The following TOR4A variants were observed in gnomAD, a reference collection of about 807,000 sequenced individuals.
TOR4A encodes the protein torsin-4A.
Under a neutral mutation model 11.5 loss-of-function variants are expected in TOR4A, and 12 were observed. The observed-to-expected ratio is 1.04, with a 90% confidence interval of 0.67 to 1.69. The LOEUF (loss-of-function observed/expected upper bound fraction) is 1.69. Ranked by LOEUF, TOR4A falls within the 40% of genes most tolerant of loss-of-function variation. The probability of loss-of-function intolerance (pLI) is 0.00; values close to 1 mark genes in which losing one functional copy is unlikely to be tolerated. For synonymous variants in TOR4A, 362 were observed against 307.4 expected (o/e 1.18, Z -1.86); for missense variants, 640 against 643.2 (o/e 0.99, Z 0.05).
Position 137,279,566 on chromosome 9 carries a change from A to G in TOR4A, c.877A>G (p.Asn293Asp). ...GCCGCAGCGCTCCCACCACTTCCAC[A>G]ACGCCATCTACGTGCTCCTCAGTGG... ...LQPQRSHHFHNAIYVLLSGAG... is the reference protein window; with the variant it reads ...LQPQRSHHFHDAIYVLLSGAG... The change falls in exon 2 of 2, where the codon AAC becomes GAC. Residue 293 changes from asparagine (N) to aspartate (D), a missense_variant. Asn to Asp is a conservative substitution (Grantham distance 23, BLOSUM62 1). Coordinates refer to ENST00000357503, the MANE Select transcript of TOR4A (RefSeq NM_017723.3). The G allele has an allele frequency of 2.5e-6, 4 of 1,582,450 alleles. No homozygotes were observed. The highest frequency in any genetic ancestry group is 3.4e-6 in the Non-Finnish European group (4 of 1,167,938).
intron 1 of TOR4A, among the ~76,000 whole-genome samples, chr9:137,278,355 C>G (rs921209814): frequency 1.3e-5 from 2 of 152,190 alleles, no homozygotes; most frequent in Non-Finnish European, 2.9e-5. Context: ...TCCAGGAAGC[C>G]GGGGCGGCCA....
In TOR4A at chr9:137,278,659, C is replaced by A; in HGVS notation, c.-31C>A. On this transcript the variant is annotated 5_prime_UTR_variant, in exon 2 of 2. Coordinates refer to ENST00000357503, the MANE Select transcript of TOR4A (RefSeq NM_017723.3). Reference sequence around the variant, plus strand: ...CCCCGTCTTCCCGTTGCAGGGAGGGCGACCTGTATGCGGAGCGCCGTTCCT... The same window carrying A: ...CCCCGTCTTCCCGTTGCAGGGAGGGAGACCTGTATGCGGAGCGCCGTTCCT... The A allele has an allele frequency of 7.6e-7, 1 of 1,307,380 alleles. No individual in the cohort carries two copies. The highest frequency in any genetic ancestry group is 9.7e-7 in the Non-Finnish European group (1 of 1,028,534). 81.0% of individuals were successfully genotyped at this position (1,307,380 alleles called of 1,614,324 possible). A position where few individuals can be genotyped will look rare whatever the true frequency, so the allele number is the denominator to read the frequency against.
chr9:137,279,862 G>A lies in TOR4A; in HGVS notation c.1173G>A (p.Ala391=), dbSNP rs369053936. The stretch of plus-strand genomic sequence containing the variant: ...GCTTCTTTCCTGACCAGGCCCGCGC[G>A]GAGAACCTGGCCGCGCAGCTCAGCT... ...GEGFFPDQAR[A]ENLAAQLSFY... Residue 391 remains alanine (A), a synonymous_variant, in exon 2 of 2, where the codon GCG becomes GCA. Transcript: ENST00000357503. 3.8e-5 allele frequency: 60 copies of A among 1,587,436 alleles called. No homozygotes were observed. The highest frequency in any genetic ancestry group is 4.9e-5 in the Non-Finnish European group (57 of 1,170,518).
rs1207480310 is a variant in TOR4A, at chr9:137,280,201, C to T, written c.*240C>T. On this transcript the variant is annotated 3_prime_UTR_variant, in exon 2 of 2. Coordinates refer to ENST00000357503, the MANE Select transcript of TOR4A (RefSeq NM_017723.3). ...CAAACTTGCCCATTGCCCTGCTGGG[C>T]GTCCCAGGCATGGTCTGGTGCGTTC... 2 of 592,914 alleles carry T rather than the reference C, an allele frequency of 3.4e-6. No homozygotes were observed. Among genetic ancestry groups the T allele is most frequent in the Non-Finnish European group, 6.1e-6 (2 of 326,840 alleles). The allele number at this position is 592,914 out of a possible 1,614,324, so 36.7% of individuals were successfully genotyped here. A position where few individuals can be genotyped will look rare whatever the true frequency, so the allele number is the denominator to read the frequency against.
Position 137,279,449 on chromosome 9 carries a change from G to A in TOR4A, c.760G>A (p.Ala254Thr). ...GCGCGTGGCCGACGTGGTGGCGCGG[G>A]CCGAAGCGGAGGAGAAGACCCCACT... ...ARRVADVVARAEAEEKTPLLV... is the reference protein window; with the variant it reads ...ARRVADVVARTEAEEKTPLLV... Residue 254 changes from alanine (A) to threonine (T), a missense_variant, in exon 2 of 2, where the codon GCC becomes ACC. Physicochemically the swap from Ala to Thr is moderately conservative, Grantham distance 58 (BLOSUM62 0). Coordinates refer to ENST00000357503, the MANE Select transcript of TOR4A (RefSeq NM_017723.3). 6.5e-7 allele frequency: 1 copy of A among 1,541,358 alleles called. No individual in the cohort carries two copies. The highest frequency in any genetic ancestry group is 1.4e-5 in the African/African-American group (1 of 72,836).
rs1830698921 is a variant in TOR4A, at chr9:137,280,220, T to C, written c.*259T>C. On this transcript the variant is annotated 3_prime_UTR_variant, in exon 2 of 2. Transcript: ENST00000357503. ...GCTGGGCGTCCCAGGCATGGTCTGG[T>C]GCGTTCTCCCTGTGGCCCCAAGAGG... 1 of 574,284 alleles carries C rather than the reference T, an allele frequency of 1.7e-6. No individual in the cohort carries two copies. The highest frequency in any genetic ancestry group is 3.1e-5 in the Admixed American group (1 of 32,102). 35.6% of individuals were successfully genotyped at this position (574,284 alleles called of 1,614,324 possible).
In TOR4A at chr9:137,282,136, C is replaced by G. The variant is rs1213363955; in HGVS notation, c.*2175C>G. ...TTCATCCACCTGTCAGTCAACAACA[C>G]CCGCTGAGCATCGGCTTGTATCAAA... is the stretch of plus-strand genomic sequence containing the variant. On this transcript the variant is annotated 3_prime_UTR_variant, in exon 2 of 2. Transcript: ENST00000357503. 6.0e-6 allele frequency: 1 copy of G among 167,148 alleles called. No homozygotes were observed. Among genetic ancestry groups the G allele is most frequent in the Non-Finnish European group, 1.5e-5 (1 of 68,152 alleles). The allele number at this position is 167,148 out of a possible 1,614,324, so 10.4% of individuals were successfully genotyped here.
In TOR4A at chr9:137,278,699, G is replaced by A; in HGVS notation, c.10G>A (p.Gly4Ser). MDR[G>S]QPSLEPAAAA... ...GCGCCGTTCCTGCGACATGGACCGCGGCCAGCCCAGCCTGGAGCCTGCTGC... is the reference window on the plus strand; with the variant it reads ...GCGCCGTTCCTGCGACATGGACCGCAGCCAGCCCAGCCTGGAGCCTGCTGC... The change falls in exon 2 of 2, where the codon GGC becomes AGC. Residue 4 changes from glycine (G) to serine (S), a missense_variant. Gly to Ser is a moderately conservative substitution (Grantham distance 56). Coordinates refer to ENST00000357503, the MANE Select transcript of TOR4A (RefSeq NM_017723.3). The A allele has an allele frequency of 3.7e-6, 5 of 1,349,808 alleles. No individual in the cohort carries two copies. Among genetic ancestry groups the A allele is most frequent in the African/African-American group, 1.5e-5 (1 of 65,396 alleles). The allele number at this position is 1,349,808 out of a possible 1,614,324, so 83.6% of individuals were successfully genotyped here.
At chr9:137,278,128 C>T (rs1216899470) in intron 1 of TOR4A, among the ~76,000 whole-genome samples, 1 of 152,214 alleles carries the variant, frequency 6.6e-6, no homozygotes, top group African/African-American at 2.4e-5. Context: ...GGGCCCGGGC[C>T]TATTCTCAAA....
intron 1 of TOR4A, 91 bp from the exon 2 acceptor site, chr9:137,278,562 G>C (rs936201253): frequency 5.2e-6 from 5 of 953,998 alleles, no homozygotes; most frequent in African/African-American, 5.2e-5. Flanking sequence ...GGACTCCCAG[G>C]GGGTAAGATC....
In TOR4A at chr9:137,279,324, G is replaced by T; in HGVS notation, c.635G>T (p.Arg212Leu). The T allele has an allele frequency of 2.0e-6, 3 of 1,534,212 alleles. No individual in the cohort carries two copies. Among genetic ancestry groups the T allele is most frequent in the African/African-American group, 1.4e-5 (1 of 73,066 alleles). Residue 212 changes from arginine (R) to leucine (L), a missense_variant, in exon 2 of 2, where the codon CGC becomes CTC. Transcript: ENST00000357503. ...HVGRLLARHF[R>L]SVLEDSALVL... ...GGCCGCCTGCTGGCGCGCCACTTCC[G>T]CTCGGTGCTGGAGGACAGCGCGCTC...
Position 137,279,567 on chromosome 9 carries a change from A to G in TOR4A, c.878A>G (p.Asn293Ser). 5.1e-6 allele frequency: 8 copies of G among 1,581,088 alleles called. No individual in the cohort carries two copies. The highest frequency in any genetic ancestry group is 6.9e-6 in the Non-Finnish European group (8 of 1,167,218). Residue 293 changes from asparagine (N) to serine (S), a missense_variant, in exon 2 of 2, where the codon AAC becomes AGC. Asn to Ser is a conservative substitution (Grantham distance 46). Coordinates refer to ENST00000357503, the MANE Select transcript of TOR4A (RefSeq NM_017723.3). ...LQPQRSHHFH[N>S]AIYVLLSGAG... ...CCGCAGCGCTCCCACCACTTCCACAACGCCATCTACGTGCTCCTCAGTGGC... is the reference window on the plus strand; with the variant it reads ...CCGCAGCGCTCCCACCACTTCCACAGCGCCATCTACGTGCTCCTCAGTGGC...
Position 137,279,861 on chromosome 9 carries a change from C to G in TOR4A, c.1172C>G (p.Ala391Gly), listed in dbSNP as rs756500552. ...GGCTTCTTTCCTGACCAGGCCCGCG[C>G]GGAGAACCTGGCCGCGCAGCTCAGC... is the stretch of plus-strand genomic sequence containing the variant. ...GEGFFPDQAR[A>G]ENLAAQLSFY... The change falls in exon 2 of 2, where the codon GCG (alanine) becomes GGG (glycine). Residue 391 changes from alanine (A) to glycine (G), a missense_variant. Physicochemically the swap from Ala to Gly is moderately conservative, Grantham distance 60. Transcript: ENST00000357503. 1.9e-6 allele frequency: 3 copies of G among 1,588,506 alleles called. No homozygotes were observed. The highest frequency in any genetic ancestry group is 2.6e-6 in the Non-Finnish European group (3 of 1,171,038).
rs1232507031 is a variant in TOR4A at position 137,282,289 on chromosome 9, C to T, written c.*2328C>T. ...GATCTCGGTTCACTGCAACCTCTGC[C>T]TCCTGGGTTCAAGCGATTCTCCTGC... On this transcript the variant is annotated 3_prime_UTR_variant, in exon 2 of 2. Coordinates refer to ENST00000357503, the MANE Select transcript of TOR4A (RefSeq NM_017723.3). 6.2e-6 allele frequency: 1 copy of T among 160,676 alleles called. No homozygotes were observed. Among genetic ancestry groups the T allele is most frequent in the Non-Finnish European group, 1.5e-5 (1 of 68,146 alleles). 10.0% of individuals were successfully genotyped at this position (160,676 alleles called of 1,614,324 possible).
chr9:137,279,413 G>A lies in TOR4A; in HGVS notation c.724G>A (p.Glu242Lys), dbSNP rs1830687861. Residue 242 changes from glutamate to lysine, a missense_variant, in exon 2 of 2, where the codon GAG (glutamate) becomes AAG (lysine). Physicochemically the swap from Glu to Lys is moderately conservative, Grantham distance 56. Transcript: ENST00000357503. ...EARAAQDCRE[E>K]LARRVADVVA... is the part of the protein sequence containing the mutation. ...GCGCGCCGCACAGGACTGCCGCGAG[G>A]AGCTGGCGCGGCGCGTGGCCGACGT... The A allele has an allele frequency of 6.5e-7, 1 of 1,534,386 alleles. No homozygotes were observed. Among genetic ancestry groups the A allele is most frequent in the South Asian group, 1.2e-5 (1 of 83,546 alleles).
In TOR4A at chr9:137,279,257, C is replaced by T. The variant is rs1406202837; in HGVS notation, c.568C>T (p.Leu190=). Residue 190 remains leucine (L), a synonymous_variant, in exon 2 of 2, where the codon CTG becomes TTG. Transcript: ENST00000357503. ...GCATGTGCACAGTCGTCCGCTCCTC[C>T]TGGCGCTGCACGGGCCCAGTGGCGT... ...ATHVHSRPLL[L]ALHGPSGVGK... is the part of the protein sequence containing the mutation. The T allele has an allele frequency of 3.3e-6, 5 of 1,535,408 alleles. No individual in the cohort carries two copies. The highest frequency in any genetic ancestry group is 4.4e-6 in the Non-Finnish European group (5 of 1,143,678).
chr9:137,278,159 C>T (rs1024866336), intron 1 of TOR4A, among the ~76,000 whole-genome samples: 3 of 152,180 alleles, frequency 2.0e-5, no homozygotes, highest in Non-Finnish European at 2.9e-5. Context: ...CCAGCCAGAC[C>T]CCCGCCAAGT....
At position 137,278,748 on chromosome 9, in the gene TOR4A, G is replaced by A. The variant is rs1443903927; in HGVS notation, c.59G>A (p.Arg20Gln). Residue 20 changes from arginine to glutamine, a missense_variant, in exon 2 of 2, where the codon CGG becomes CAG. Arg to Gln is a conservative substitution (Grantham distance 43, BLOSUM62 1). Transcript: ENST00000357503. ...PAAAAPRASG[R>Q]CVIAPVRAVL... ...GCCGCGGCCCCCCGAGCCTCGGGCC[G>A]GTGCGTGATCGCGCCCGTGCGCGCT... 3.6e-6 allele frequency: 5 copies of A among 1,393,942 alleles called. No homozygotes were observed. The highest frequency in any genetic ancestry group is 4.6e-6 in the Non-Finnish European group (5 of 1,080,944). 86.3% of individuals were successfully genotyped at this position (1,393,942 alleles called of 1,614,324 possible).
chr9:137,278,562 G>A (rs936201253), intron 1 of TOR4A, 91 bp from the exon 2 acceptor site: 1 of 953,998 alleles, frequency 1.0e-6, no homozygotes, highest in African/African-American at 1.7e-5. Context: ...GGACTCCCAG[G>A]GGGTAAGATC....
Sources: allele counts gnomAD v4.1 joint callset (sites outside exome capture counted in the v4.1 genomes callset), GRCh38; gene constraint gnomAD v4.1.1; transcripts MANE v1.5; gene names NCBI Gene and HGNC (gene_info 2026-07-23, HGNC 2026-07-21).